Variants in AGBL1 observed in about 807,000 individuals in gnomAD.
AGBL1 encodes the protein cytosolic carboxypeptidase 4.
AGBL1 carries 130 observed loss-of-function variants against 118.9 expected under a neutral mutation model. The observed-to-expected ratio is 1.09, with a 90% confidence interval of 0.95 to 1.26. The LOEUF (loss-of-function observed/expected upper bound fraction) is 1.26, where lower values mean the gene tolerates loss of function less well. AGBL1 is among the 50% of genes most tolerant of loss of function. AGBL1 has a pLI of 0.00. For synonymous variants in AGBL1, 555 were observed against 478.9 expected, an observed-to-expected ratio of 1.16 and a Z score of -2.08; for missense variants, 1,584 against 1,298.1, an observed-to-expected ratio of 1.22 and a Z score of -3.38.
intron 23 of AGBL1, among the ~76,000 whole-genome samples, chr15:86,970,075 G>A (rs1399381542): frequency 6.6e-6 from 1 of 151,774 alleles, no homozygotes; most frequent in African/African-American, 2.4e-5. Flanking sequence ...AAAGGCATGG[G>A]GAGCCCAAAA....
At chr15:86,515,574 G>T (rs59635967) in intron 18 of AGBL1, among the ~76,000 whole-genome samples, 1 of 152,048 alleles carries the variant, frequency 6.6e-6, no homozygotes, top group East Asian at 1.9e-4. Flanking sequence ...GAATTAAAAA[G>T]AATTTAAAAT....
chr15:86,867,479 G>GT (rs980886614), intron 22 of AGBL1, among the ~76,000 whole-genome samples: 11 of 152,052 alleles, frequency 7.2e-5, no homozygotes, highest in Admixed American at 3.9e-4. Flanking sequence ...GAAAACAACA[G>GT]TTTTTTTAAA....
intron 23 of AGBL1, among the ~76,000 whole-genome samples, chr15:86,934,733 A>T (rs918092822): frequency 5.9e-5 from 9 of 152,204 alleles, no homozygotes; most frequent in Non-Finnish European, 1.0e-4. Context: ...CACACAATAA[A>T]TGTTGCCTTT....
intron 21 of AGBL1, among the ~76,000 whole-genome samples, chr15:86,563,437 C>T (rs28830172): frequency 0.02 from 3,052 of 152,230 alleles, 73 homozygotes; most frequent in African/African-American, 0.063. Flanking sequence ...GTTCAGTTTC[C>T]ATGTAGTTGA....
intron 22 of AGBL1, among the ~76,000 whole-genome samples, chr15:86,787,645 T>G (rs2078432511): frequency 6.6e-6 from 1 of 152,184 alleles, no homozygotes; most frequent in Admixed American, 6.5e-5. Flanking sequence ...TGTGGACACT[T>G]TGGTTGTTTC....
chr15:86,616,356 A>T (rs2447270), intron 21 of AGBL1, among the ~76,000 whole-genome samples: 1,533 of 38,462 alleles, frequency 0.04, 25 homozygotes, highest in Middle Eastern at 0.089. Context: ...AAAAAAAAAA[A>T]AAAAAAAAAA....
intron 18 of AGBL1, among the ~76,000 whole-genome samples, chr15:86,403,819 G>C (rs1365722127): frequency 6.6e-6 from 1 of 152,210 alleles, no homozygotes; most frequent in Non-Finnish European, 1.5e-5. Context: ...GAGTTAGAAT[G>C]TAAGAACCTT....
At chr15:86,700,510 CAA>C (rs1491102438) in intron 22 of AGBL1, among the ~76,000 whole-genome samples, 2,609 of 44,734 alleles carry the variant, frequency 0.058, 26 homozygotes, top group East Asian at 0.2. Context: ...CACACACACA[CAA>C]AATCTCTCTT....
intron 22 of AGBL1, among the ~76,000 whole-genome samples, chr15:86,796,817 G>C (rs919208621): frequency 6.6e-6 from 1 of 152,186 alleles, no homozygotes; most frequent in Non-Finnish European, 1.5e-5. Flanking sequence ...ATACTGTCTG[G>C]CTCTTTATAT....
At chr15:86,926,412 T>C (rs2080540405) in intron 23 of AGBL1, among the ~76,000 whole-genome samples, 1 of 152,220 alleles carries the variant, frequency 6.6e-6, no homozygotes, top group Non-Finnish European at 1.5e-5. Context: ...GACTTTCCAA[T>C]AGCTTAGTAT....
intron 17 of AGBL1, among the ~76,000 whole-genome samples, chr15:86,317,905 G>A (rs116695486): frequency 0.014 from 2,083 of 152,286 alleles, 54 homozygotes; most frequent in African/African-American, 0.045. Context: ...ATATTTAAAT[G>A]GAAAGGTCCT....
chr15:86,856,941 G>A (rs1214329804), intron 22 of AGBL1, among the ~76,000 whole-genome samples: 1 of 152,138 alleles, frequency 6.6e-6, no homozygotes. Context: ...GCCTAGTTTT[G>A]TCCCGAAGTC....
chr15:86,643,464 T>C (rs1295609998), intron 21 of AGBL1, among the ~76,000 whole-genome samples: 1 of 152,150 alleles, frequency 6.6e-6, no homozygotes, highest in Admixed American at 6.5e-5. Flanking sequence ...ATATGCATAA[T>C]ATTGAGGACT....
chr15:86,710,200 C>T (rs1379096725), intron 22 of AGBL1, among the ~76,000 whole-genome samples: 1 of 152,118 alleles, frequency 6.6e-6, no homozygotes, highest in East Asian at 1.9e-4. Context: ...ACAGCCAATC[C>T]TTCAGATGCA....
chr15:86,136,687 T>C (rs2076893780), intron 1 of AGBL1, among the ~76,000 whole-genome samples: 1 of 152,092 alleles, frequency 6.6e-6, no homozygotes, highest in African/African-American at 2.4e-5. Context: ...ATCATTGGCA[T>C]GGAGTGTTGG....
chr15:86,776,813 A>T (rs2078263604), intron 22 of AGBL1, among the ~76,000 whole-genome samples: 1 of 146,620 alleles, frequency 6.8e-6, no homozygotes, highest in Admixed American at 6.9e-5. Context: ...AATTAAGGGG[A>T]ATTTGTTAAT....
chr15:86,814,027 C>T (rs2078826614), intron 22 of AGBL1, among the ~76,000 whole-genome samples: 1 of 152,138 alleles, frequency 6.6e-6, no homozygotes, highest in African/African-American at 2.4e-5. Flanking sequence ...TGGCTCATGG[C>T]CTGGGAAGCC....
chr15:86,270,213 G>A (rs1299518868), intron 14 of AGBL1, 146 bp downstream of exon 14: 1 of 1,021,328 alleles, frequency 9.8e-7, no homozygotes, highest in Non-Finnish European at 1.4e-6. Flanking sequence ...AAGGCAGGCA[G>A]TGGCCCTCAG....
At chr15:86,554,764 G>T (rs1232492429) in intron 21 of AGBL1, among the ~76,000 whole-genome samples, 1 of 152,130 alleles carries the variant, frequency 6.6e-6, no homozygotes, top group East Asian at 1.9e-4. Flanking sequence ...TCCTCAATCA[G>T]CTGCCCTCAC....
Sources: gnomAD v4.1 joint callset for allele counts (sites outside exome capture counted in the v4.1 genomes callset) on GRCh38, gnomAD v4.1.1 for gene constraint, MANE v1.5 for transcripts, NCBI Gene and HGNC (gene_info 2026-07-23, HGNC 2026-07-21) for gene names.